FILIP1: variants seen among roughly 807,000 people sequenced by gnomAD.
The protein encoded by FILIP1 is filamin-A-interacting protein 1.
A neutral mutation model predicts 102.1 loss-of-function variants in FILIP1; 61 were observed. The observed-to-expected ratio is 0.60, with a 90% CI of 0.49 to 0.74. The LOEUF is 0.74. Among genes scored for constraint, FILIP1 ranks in the 30% least tolerant of loss-of-function variants. The probability of loss-of-function intolerance (pLI) is 0.00; values close to 1 mark genes in which losing one functional copy is unlikely to be tolerated. For missense variants in FILIP1, 1,314 were observed against 1,441.2 expected, an observed-to-expected ratio of 0.91 and a Z score of 1.43; for synonymous variants, 491 against 526.9, an observed-to-expected ratio of 0.93 and a Z score of 0.93.
chr6:75,443,683 A>G (rs1333489806), intron 1 of FILIP1, among the ~76,000 whole-genome samples: 1 of 152,212 alleles, frequency 6.6e-6, no homozygotes, highest in Non-Finnish European at 1.5e-5. Context: ...CAACTATAAG[A>G]TTGGCAACAC....
intron 2 of FILIP1, among the ~76,000 whole-genome samples, chr6:75,399,820 A>G (rs962446110): frequency 6.6e-6 from 1 of 152,202 alleles, no homozygotes; most frequent in Non-Finnish European, 1.5e-5. Flanking sequence ...GTCATTTCAT[A>G]TGTTATTTGT....
At chr6:75,367,619 C>T (rs1775380693) in intron 2 of FILIP1, 1 of 152,082 alleles carries the variant, frequency 6.6e-6, no homozygotes, top group African/African-American at 2.4e-5. Context: ...GCACTCCAGC[C>T]TCGGCGACAG....
intron 4 of FILIP1, among the ~76,000 whole-genome samples, chr6:75,316,313 A>G (rs1773444802): frequency 6.6e-6 from 1 of 152,166 alleles, no homozygotes; most frequent in African/African-American, 2.4e-5. Flanking sequence ...TTATAAGGGA[A>G]GCAAGTTATA....
At chr6:75,365,005 T>C (rs921706675) in intron 2 of FILIP1, among the ~76,000 whole-genome samples, 2 of 152,192 alleles carry the variant, frequency 1.3e-5, no homozygotes, top group African/African-American at 4.8e-5. Context: ...AAGGAAAATT[T>C]AGAATCACAT....
intron 2 of FILIP1, chr6:75,385,782 G>A (rs1776074359): frequency 6.6e-6 from 1 of 151,826 alleles, no homozygotes; most frequent in Non-Finnish European, 1.5e-5. Flanking sequence ...ACTCAAAGTG[G>A]GGAGCACTCT....
chr6:75,308,704 C>G lies in FILIP1; in HGVS notation c.3629G>C (p.Gly1210Ala), dbSNP rs145901023. 87 of 1,613,014 alleles carry G rather than the reference C, an allele frequency of 5.4e-5. No homozygotes were observed. The highest frequency in any genetic ancestry group is 3.1e-4 in the East Asian group (14 of 44,876). The change falls in exon 6 of 6, where the codon GGG becomes GCG. Residue 1210 changes from glycine to alanine, a missense_variant. By Grantham distance (60) the Gly-to-Ala change is moderately conservative (BLOSUM62 0). Transcript: ENST00000237172. Reference protein sequence around the residue: ...SAASSTTSLGGGKG With the variant: ...SAASSTTSLGAGKG The stretch of plus-strand genomic sequence containing the variant: ...TAGCCACTGCCCTCAGCCCTTCCCC[C>G]CTCCGAGAGAGGTGGTGCTGCTGGC...
chr6:75,414,957 G>C lies in FILIP1; in HGVS notation c.16C>G (p.Gln6Glu). The C allele has an allele frequency of 6.2e-7, 1 of 1,613,314 alleles. No homozygotes were observed. The highest frequency in any genetic ancestry group is 8.5e-7 in the Non-Finnish European group (1 of 1,179,548). The change falls in exon 2 of 6, where the codon CAA (glutamine) becomes GAA (glutamate). Residue 6 changes from glutamine (Q) to glutamate (E), a missense_variant. Gln to Glu is a conservative substitution (Grantham distance 29). Coordinates refer to ENST00000237172, the MANE Select transcript of FILIP1 (RefSeq NM_015687.5). ...CCATCAGATGCACTTTCACCACCTT[G>C]GTTTCGAGATCTCATTCCCACCTAC... MRSRN[Q>E]GGESASDGHI...
chr6:75,328,097 G>A (rs140294232), intron 4 of FILIP1, among the ~76,000 whole-genome samples: 1 of 152,296 alleles, frequency 6.6e-6, no homozygotes, highest in East Asian at 1.9e-4. Context: ...AATGGGAGCA[G>A]AAAGGGGAAC....
intron 1 of FILIP1, among the ~76,000 whole-genome samples, chr6:75,418,313 T>C (rs951507415): frequency 3.9e-5 from 6 of 152,236 alleles, no homozygotes; most frequent in African/African-American, 1.4e-4. Flanking sequence ...CACATAGCAA[T>C]TTAAATTAGG....
At chr6:75,343,155 GAAAA>G (rs200246135) in intron 4 of FILIP1, among the ~76,000 whole-genome samples, 1 of 152,144 alleles carries the variant, frequency 6.6e-6, no homozygotes, top group Non-Finnish European at 1.5e-5. Flanking sequence ...ACATGAACTG[GAAAA>G]AGCCCACGTG....
intron 2 of FILIP1, chr6:75,398,949 T>C (rs1776557836): frequency 6.6e-6 from 1 of 152,204 alleles, no homozygotes; most frequent in Admixed American, 6.6e-5. Flanking sequence ...ATGAAGCAAC[T>C]GATTTCACAG....
At chr6:75,451,159 T>C (rs1447573902) in intron 1 of FILIP1, among the ~76,000 whole-genome samples, 1 of 151,614 alleles carries the variant, frequency 6.6e-6, no homozygotes, top group Non-Finnish European at 1.5e-5. Context: ...TGCTTTGATA[T>C]GTTGATCTGT....
chr6:75,331,859 C>A (rs1420342975), intron 4 of FILIP1, among the ~76,000 whole-genome samples: 1 of 152,096 alleles, frequency 6.6e-6, no homozygotes, highest in East Asian at 1.9e-4. Context: ...ACCCTAACCC[C>A]CCATGCGCTG....
At chr6:75,379,181 T>A (rs1201570682) in intron 2 of FILIP1, among the ~76,000 whole-genome samples, 2 of 152,200 alleles carry the variant, frequency 1.3e-5, no homozygotes, top group African/African-American at 2.4e-5. Context: ...GCCTACCCCC[T>A]ACCAAGGATA....
intron 1 of FILIP1, among the ~76,000 whole-genome samples, chr6:75,417,273 ATT>A (rs1419340408): frequency 1.3e-5 from 2 of 152,134 alleles, no homozygotes; most frequent in African/African-American, 2.4e-5. Flanking sequence ...GAACATAAAG[ATT>A]TTTAGTCCTT....
intron 4 of FILIP1, among the ~76,000 whole-genome samples, chr6:75,340,151 AT>A (rs1438196255): frequency 6.6e-6 from 1 of 152,156 alleles, no homozygotes; most frequent in Non-Finnish European, 1.5e-5. Flanking sequence ...AAAAATCATA[AT>A]ATTGCTTTTT....
At chr6:75,361,459 GTTA>G (rs1380370256) in intron 3 of FILIP1, among the ~76,000 whole-genome samples, 2 of 152,132 alleles carry the variant, frequency 1.3e-5, no homozygotes, top group African/African-American at 2.4e-5. Context: ...TCTAATCCAA[GTTA>G]TTATTATTAT....
At position 75,406,720 on chromosome 6, in the gene FILIP1, C is replaced by T. The variant is rs12661229; in HGVS notation, c.276+7977G>A. Among the ~76,000 whole-genome samples, 67 of 145,388 alleles carry T rather than the reference C, an allele frequency of 4.6e-4. No individual in the cohort carries two copies. The East Asian group carries it at 9.8e-3, about 21-fold the overall frequency. On this transcript the variant is annotated intron_variant, in intron 2 of 5. Transcript: ENST00000237172. ...TGTCACCCAGGCAGGAGTGTAGTGGCGCAACCTCGGCTCACTGCAACCTCC... is the reference window on the plus strand; with the variant it reads ...TGTCACCCAGGCAGGAGTGTAGTGGTGCAACCTCGGCTCACTGCAACCTCC...
intron 4 of FILIP1, among the ~76,000 whole-genome samples, chr6:75,330,192 T>A (rs937792988): frequency 6.6e-6 from 1 of 152,072 alleles, no homozygotes; most frequent in Non-Finnish European, 1.5e-5. Flanking sequence ...GATTACTGAG[T>A]TTTTTGGCAT....
Sources: gnomAD v4.1 joint callset for allele counts (sites outside exome capture counted in the v4.1 genomes callset) on GRCh38, gnomAD v4.1.1 for gene constraint, MANE v1.5 for transcripts, NCBI Gene and HGNC (gene_info 2026-07-23, HGNC 2026-07-21) for gene names.